Variants in CACNA1I observed in about 807,000 individuals in gnomAD.
CACNA1I encodes the protein calcium voltage-gated channel subunit alpha1 I, also known as voltage-dependent T-type calcium channel subunit alpha-1I.
In CACNA1I, 74 loss-of-function variants were observed where a neutral mutation model predicts 201.6. The observed-to-expected ratio is 0.37, with a 90% confidence interval of 0.30 to 0.45. CACNA1I has a LOEUF of 0.45. Among genes scored for constraint, CACNA1I ranks in the 20% least tolerant of loss-of-function variants. The pLI is 1.00. For missense variants in CACNA1I, 2,346 were observed against 3,138.1 expected (o/e 0.75, Z 6.03); for synonymous variants, 1,431 against 1,345.2 (o/e 1.06, Z -1.40).
chr22:39,655,270 G>GGC (rs1555909649), intron 10 of CACNA1I, among the ~76,000 whole-genome samples: 1 of 151,878 alleles, frequency 6.6e-6, no homozygotes, highest in Non-Finnish European at 1.5e-5. Context: ...TTCCCGGGGG[G>GGC]CAGCTGACCT....
chr22:39,628,924 G>A (rs1933973437), intron 4 of CACNA1I, among the ~76,000 whole-genome samples: 1 of 152,120 alleles, frequency 6.6e-6, no homozygotes, highest in South Asian at 2.1e-4. Flanking sequence ...TGGCTGGACT[G>A]ATCTGGGCTG....
intron 1 of CACNA1I, among the ~76,000 whole-genome samples, chr22:39,581,083 T>C (rs1932532848): frequency 6.6e-6 from 1 of 152,166 alleles, no homozygotes; most frequent in Non-Finnish European, 1.5e-5. Context: ...CTAGGCTGGG[T>C]AGAGGGAACC....
chr22:39,679,566 C>A, intron 32 of CACNA1I, 121 bp downstream of exon 32: 1 of 1,054,754 alleles, frequency 9.5e-7, no homozygotes, highest in Non-Finnish European at 1.3e-6. Context: ...CCACCCTGCT[C>A]AGCTCCATAG....
chr22:39,583,037 C>T (rs1168717700), intron 1 of CACNA1I, among the ~76,000 whole-genome samples: 1 of 67,522 alleles, frequency 1.5e-5, no homozygotes, highest in African/African-American at 4.0e-5. Flanking sequence ...CCCAACCATC[C>T]ATCCATCCAT....
At chr22:39,597,933 G>A (rs1328300471) in intron 1 of CACNA1I, among the ~76,000 whole-genome samples, 3 of 152,350 alleles carry the variant, frequency 2.0e-5, no homozygotes, top group African/African-American at 7.2e-5. Context: ...GCAGCTGGGG[G>A]CCTGGTGGGT....
chr22:39,578,249 CCTGCCT>C (rs902298456), intron 1 of CACNA1I, among the ~76,000 whole-genome samples: 3 of 151,950 alleles, frequency 2.0e-5, no homozygotes, highest in Non-Finnish European at 4.4e-5. Flanking sequence ...AGCCCCTGCC[CCTGCCT>C]CTGAGCAGGC....
At position 39,661,259 on chromosome 22, in the gene CACNA1I, A is replaced by C; in HGVS notation, c.2850A>C (p.Arg950=). 1 of 1,609,624 alleles carries C rather than the reference A, an allele frequency of 6.2e-7. No homozygotes were observed. Among genetic ancestry groups the C allele is most frequent in the Non-Finnish European group, 8.5e-7 (1 of 1,177,990 alleles). Residue 950 remains arginine (R), a synonymous_variant, in exon 16 of 37, where the codon CGA becomes CGC. Coordinates refer to ENST00000402142, the MANE Select transcript of CACNA1I (RefSeq NM_021096.4). ...PDPMLVALGS[R]KSSVMSLGRM... is the part of the protein sequence containing the mutation. ...CCATGCTGGTGGCCCTGGGCTCCCG[A>C]AAGAGCAGTGTCATGTCTCTAGGGA...
At chr22:39,680,695 A>G (rs1427491391) in intron 33 of CACNA1I, among the ~76,000 whole-genome samples, 1 of 152,158 alleles carries the variant, frequency 6.6e-6, no homozygotes, top group Non-Finnish European at 1.5e-5. Context: ...AGGTAGCAAG[A>G]TGGGCCACTC....
chr22:39,653,720 G>C (rs537175142), intron 10 of CACNA1I, among the ~76,000 whole-genome samples: 29 of 152,188 alleles, frequency 1.9e-4, no homozygotes, highest in African/African-American at 7.0e-4. Flanking sequence ...CAGGGTGCTT[G>C]AATGACAGGT....
Position 39,681,003 on chromosome 22 carries a change from T to G in CACNA1I, c.5615T>G (p.Leu1872Arg), listed in dbSNP as rs1384478718. 1.9e-6 allele frequency: 3 copies of G among 1,611,418 alleles called. No homozygotes were observed. The highest frequency in any genetic ancestry group is 2.5e-6 in the Non-Finnish European group (3 of 1,179,402). The change falls in exon 34 of 37, where the codon CTG (leucine) becomes CGG (arginine). Residue 1872 changes from leucine to arginine, a missense_variant. Leu to Arg is a moderately radical substitution (Grantham distance 102). Coordinates refer to ENST00000402142, the MANE Select transcript of CACNA1I (RefSeq NM_021096.4). ...RSSSILLGDD[L>R]SLEDPTACPP... ...TCGTCCATCCTGCTGGGTGACGACCTGAGTCTCGAGGACCCCACAGCCTGC... is the reference window on the plus strand; with the variant it reads ...TCGTCCATCCTGCTGGGTGACGACCGGAGTCTCGAGGACCCCACAGCCTGC...
At chr22:39,606,147 C>T (rs1411370966) in intron 3 of CACNA1I, among the ~76,000 whole-genome samples, 2 of 152,260 alleles carry the variant, frequency 1.3e-5, no homozygotes, top group African/African-American at 2.4e-5. Flanking sequence ...GGCAGGAGAA[C>T]GGGATCCCAC....
chr22:39,662,724 C>G, intron 17 of CACNA1I, 52 bp from the exon 18 acceptor site: 2 of 1,324,324 alleles, frequency 1.5e-6, no homozygotes, highest in African/African-American at 1.5e-5. Context: ...TGGGCGGAGA[C>G]CGGCAACCCT....
intron 2 of CACNA1I, among the ~76,000 whole-genome samples, chr22:39,599,435 T>G (rs58358050): frequency 1.5e-5 from 2 of 135,134 alleles, no homozygotes; most frequent in South Asian, 4.9e-4. Context: ...CCGGCTAAAA[T>G]GGTGAAACCC....
intron 1 of CACNA1I, among the ~76,000 whole-genome samples, chr22:39,590,833 G>T (rs1932812240): frequency 6.6e-6 from 1 of 152,136 alleles, no homozygotes; most frequent in South Asian, 2.1e-4. Flanking sequence ...GCCTGAATTG[G>T]TTGACAGATT....
chr22:39,686,373 C>G lies in CACNA1I; in HGVS notation c.6640C>G (p.Pro2214Ala), dbSNP rs1208762209. The part of the protein sequence containing the change: ...PPQPLPGELE[P>A]GDAASKRKR ...GCAACCGCTCCCCGGAGAGCTGGAG[C>G]CGGGAGACGCCGCCAGCAAGAGGAA... Residue 2214 changes from proline to alanine, a missense_variant, in exon 37 of 37, where the codon CCG becomes GCG. By Grantham distance (27) the Pro-to-Ala change is conservative. Transcript: ENST00000402142. The G allele has an allele frequency of 5.4e-6, 7 of 1,301,338 alleles. No homozygotes were observed. The African/African-American group carries it at 1.1e-4, about 20-fold the overall frequency. The allele number at this position is 1,301,338 out of a possible 1,614,324, so 80.6% of individuals were successfully genotyped here. A position where few individuals can be genotyped will look rare whatever the true frequency, so the allele number is the denominator to read the frequency against.
intron 33 of CACNA1I, 125 bp from the exon 34 acceptor site, chr22:39,680,805 G>A: frequency 1.9e-6 from 2 of 1,041,322 alleles, no homozygotes; most frequent in Non-Finnish European, 2.7e-6. Context: ...TCCAGCAGGT[G>A]TCTGGACCTT....
intron 5 of CACNA1I, among the ~76,000 whole-genome samples, chr22:39,635,917 T>G (rs567793386): frequency 1.5e-4 from 23 of 152,076 alleles, no homozygotes; most frequent in Non-Finnish European, 2.9e-4. Flanking sequence ...CACACAGCCC[T>G]GCTGGGTTTT....
In CACNA1I at chr22:39,688,866, G is replaced by GC. The variant is rs1935957803; in HGVS notation, c.*2462dup. On this transcript the variant is annotated 3_prime_UTR_variant, in exon 37 of 37. Coordinates refer to ENST00000402142, the MANE Select transcript of CACNA1I (RefSeq NM_021096.4). The surrounding 1 kb of genome is among the most constrained non-coding windows in gnomAD (Gnocchi z 4.8). The stretch of plus-strand genomic sequence containing the variant: ...GAAGGTGGAAGAGCTGAGCTCAGAG[G>GC]CAGAGAAGCTCCTTGCAGGGAGCAC... 1 of 152,430 alleles carries GC rather than the reference G, an allele frequency of 6.6e-6. No individual in the cohort carries two copies. Among genetic ancestry groups the GC allele is most frequent in the African/African-American group, 2.4e-5 (1 of 41,468 alleles). The allele number at this position is 152,430 out of a possible 1,614,324, so 9.4% of individuals were successfully genotyped here. A position where few individuals can be genotyped will look rare whatever the true frequency, so the allele number is the denominator to read the frequency against.
intron 6 of CACNA1I, 70 bp from the exon 7 acceptor site, chr22:39,642,727 G>C (rs937077023): frequency 1.9e-5 from 20 of 1,036,550 alleles, no homozygotes; most frequent in Non-Finnish European, 2.3e-5. Context: ...CCTCTGTCTG[G>C]GGCACTGCCT....
Sources: allele counts gnomAD v4.1 joint callset (sites outside exome capture counted in the v4.1 genomes callset), GRCh38; gene constraint gnomAD v4.1.1; non-coding constraint Gnocchi (gnomAD v3.1); transcripts MANE v1.5; gene names NCBI Gene and HGNC (gene_info 2026-07-23, HGNC 2026-07-21).